GPR132: variants seen among roughly 807,000 people sequenced by gnomAD.
GPR132 encodes G protein-coupled receptor 132, also known as probable G protein-coupled receptor 132.
Under a neutral mutation model 1.9 loss-of-function variants are expected in GPR132, and 4 were observed. The ratio of observed to expected loss-of-function variants is 2.13; its 90% CI spans 1.05 to 4.87. The LOEUF (loss-of-function observed/expected upper bound fraction) is 4.87. GPR132 is among the 30% of genes most tolerant of loss of function. GPR132 has a pLI of 0.01. For missense variants in GPR132, 404 were observed against 512.5 expected (o/e 0.79, Z 2.04); for synonymous variants, 233 against 234.2 (o/e 0.99, Z 0.05).
chr14:105,049,637 G>A lies in GPR132; in HGVS notation c.*1357C>T. ...CAAGGGGAGGATGGCTGTTTTGGCT[G>A]GGTGTGGTGGTGCACACCTGTAGTC... On this transcript the variant is annotated 3_prime_UTR_variant, in exon 4 of 4. Coordinates refer to ENST00000329797, the MANE Select transcript of GPR132 (RefSeq NM_013345.4). 1 of 152,318 alleles carries A rather than the reference G, an allele frequency of 6.6e-6. No homozygotes were observed. Among genetic ancestry groups the A allele is most frequent in the Non-Finnish European group, 1.5e-5 (1 of 68,124 alleles). The allele number at this position is 152,318 out of a possible 1,614,324, so 9.4% of individuals were successfully genotyped here.
At position 105,056,651 on chromosome 14, in the gene GPR132, TC is replaced by T. The variant is rs1886804473; in HGVS notation, c.-746-486del. ...AGTCCCGCACCCCCTGCTCCAGGCC[TC>T]ACGCAGCCTTGGGACCTTCACCTCT... On this transcript the variant is annotated intron_variant, in intron 2 of 3. Coordinates refer to ENST00000329797, the MANE Select transcript of GPR132 (RefSeq NM_013345.4). This position sits in a 1 kb window ranked among gnomAD's most constrained non-coding sequence, Gnocchi z 6.0. Among the ~76,000 whole-genome samples the T allele has an allele frequency of 2.0e-5, 3 of 152,200 alleles. No individual in the cohort carries two copies. The South Asian group carries it at 6.2e-4, about 31-fold the overall frequency.
chr14:105,058,861 G>T (rs145856085), intron 1 of GPR132, among the ~76,000 whole-genome samples: 1 of 152,250 alleles, frequency 6.6e-6, no homozygotes, highest in South Asian at 2.1e-4. Context: ...GCCAAAGAGG[G>T]TTTGCAGGGA....
chr14:105,054,451 T>C, intron 3 of GPR132: 2 of 931,082 alleles, frequency 2.1e-6, no homozygotes, highest in Non-Finnish European at 2.5e-6. Context: ...TGAGACGTAG[T>C]CTCAAAAAAC....
rs1250564896 is a variant in GPR132, at chr14:105,051,726, G to C, written c.411C>G (p.Ser137=). Residue 137 remains serine (S), a synonymous_variant, in exon 4 of 4, where the codon TCC becomes TCG. Coordinates refer to ENST00000329797, the MANE Select transcript of GPR132 (RefSeq NM_013345.4). This position sits in a 1 kb window ranked among gnomAD's most constrained non-coding sequence, Gnocchi z 8.0. ...YVSILFLCCI[S]CDRFVAVVYA... ...ACACCACGGCCACGAAGCGGTCGCA[G>C]GAGATGCAGCACAGGAAGAGGATGC... The C allele has an allele frequency of 6.2e-7, 1 of 1,614,154 alleles. No homozygotes were observed. The highest frequency in any genetic ancestry group is 1.3e-5 in the African/African-American group (1 of 75,062).
intron 1 of GPR132, among the ~76,000 whole-genome samples, chr14:105,064,127 C>T (rs948391405): frequency 3.3e-5 from 5 of 152,096 alleles, no homozygotes; most frequent in Non-Finnish European, 7.4e-5. Flanking sequence ...GCGTAAGCCA[C>T]CGCACCTGGC....
chr14:105,051,360 G>A lies in GPR132; in HGVS notation c.777C>T (p.His259=), dbSNP rs546893488. 1.2e-6 allele frequency: 2 copies of A among 1,614,066 alleles called. No homozygotes were observed. Among genetic ancestry groups the A allele is most frequent in the South Asian group, 1.1e-5 (1 of 91,088 alleles). ...VIFLVCFAPY[H]LVLLVKAAAF... is the part of the protein sequence containing the mutation. ...CAGCGGCTTTGACGAGGAGAACCAG[G>A]TGGTACGGGGCGAAGCAGACTAGGA... is the stretch of plus-strand genomic sequence containing the variant. The change falls in exon 4 of 4, where the codon CAC becomes CAT. Residue 259 remains histidine (H), a synonymous_variant. Transcript: ENST00000329797. This position sits in a 1 kb window ranked among gnomAD's most constrained non-coding sequence, Gnocchi z 8.0.
At chr14:105,057,037 T>G in intron 2 of GPR132, 130 bp downstream of exon 2, 1 of 699,474 alleles carries the variant, frequency 1.4e-6, no homozygotes, top group Admixed American at 2.2e-5. Context: ...GATTTATTAT[T>G]GCTGAGCTAG....
At position 105,057,393 on chromosome 14, in the gene GPR132, C is replaced by T. The variant is rs1209058145; in HGVS notation, c.-860-113G>A. 5 of 515,030 alleles carry T rather than the reference C, an allele frequency of 9.7e-6. No individual in the cohort carries two copies. In the Admixed American group the frequency reaches 1.1e-4, roughly 11 times the overall value. The allele number at this position is 515,030 out of a possible 1,614,324, so 31.9% of individuals were successfully genotyped here. Reference sequence around the variant, plus strand: ...TAATTTACTAAGTGGCCCGTTGATTCGTAGGTGTTTTTTAAATGTTGAGAA... The same window carrying T: ...TAATTTACTAAGTGGCCCGTTGATTTGTAGGTGTTTTTTAAATGTTGAGAA... On this transcript the variant is annotated intron_variant, in intron 1 of 3. Transcript: ENST00000329797.
chr14:105,053,670 T>C (rs1385479223), intron 3 of GPR132, among the ~76,000 whole-genome samples: 1 of 151,854 alleles, frequency 6.6e-6, no homozygotes, highest in African/African-American at 2.4e-5. Context: ...TACTATGTCA[T>C]GTGATACCCC....
At chr14:105,061,991 TG>T (rs768390677) in intron 1 of GPR132, among the ~76,000 whole-genome samples, 1 of 152,224 alleles carries the variant, frequency 6.6e-6, no homozygotes, top group Non-Finnish European at 1.5e-5. Context: ...CCTGGCCTGG[TG>T]GACTCCAGGG....
In GPR132 at chr14:105,049,738, C is replaced by G. The variant is rs923650878; in HGVS notation, c.*1256G>C. 2 of 152,238 alleles carry G rather than the reference C, an allele frequency of 1.3e-5. No homozygotes were observed. Among genetic ancestry groups the G allele is most frequent in the African/African-American group, 4.8e-5 (2 of 41,424 alleles). 9.4% of individuals were successfully genotyped at this position (152,238 alleles called of 1,614,324 possible). A position where few individuals can be genotyped will look rare whatever the true frequency, so the allele number is the denominator to read the frequency against. ...GAGGCTGCAGTGAGCTATGATGGTG[C>G]CACTGTTCTCCAGCCCAGGCAACAG... is the stretch of plus-strand genomic sequence containing the variant. On this transcript the variant is annotated 3_prime_UTR_variant, in exon 4 of 4. Coordinates refer to ENST00000329797, the MANE Select transcript of GPR132 (RefSeq NM_013345.4).
chr14:105,051,490 G>A lies in GPR132; in HGVS notation c.647C>T (p.Ala216Val). 1 of 1,614,030 alleles carries A rather than the reference G, an allele frequency of 6.2e-7. No individual in the cohort carries two copies. The highest frequency in any genetic ancestry group is 8.5e-7 in the Non-Finnish European group (1 of 1,180,034). Residue 216 changes from alanine to valine, a missense_variant, in exon 4 of 4, where the codon GCC becomes GTC. By Grantham distance (64) the Ala-to-Val change is moderately conservative. Coordinates refer to ENST00000329797, the MANE Select transcript of GPR132 (RefSeq NM_013345.4). This position sits in a 1 kb window ranked among gnomAD's most constrained non-coding sequence, Gnocchi z 8.0. ...VGFAIPLSII[A>V]FTNHRIFRSI... ...CCTGAAAATCCGGTGGTTGGTGAAG[G>A]CGATGATGGAGAGAGGGATGGCAAA...
rs1055603201 is a variant in GPR132, at chr14:105,057,181, G to A, written c.-761C>T. ...GGCTCTCTCACCTGGCATATTTTGC[G>A]GGTTCCAATCTCAGTGTGGCTCTAA... On this transcript the variant is annotated 5_prime_UTR_variant, in exon 2 of 4. Coordinates refer to ENST00000329797, the MANE Select transcript of GPR132 (RefSeq NM_013345.4). 2.1e-5 allele frequency: 32 copies of A among 1,531,458 alleles called. No individual in the cohort carries two copies. Among genetic ancestry groups the A allele is most frequent in the African/African-American group, 4.1e-5 (3 of 72,926 alleles). The allele number at this position is 1,531,458 out of a possible 1,614,324, so 94.9% of individuals were successfully genotyped here.
At position 105,056,755 on chromosome 14, in the gene GPR132, A is replaced by G. The variant is rs992849447; in HGVS notation, c.-747+412T>C. ...GTCCCCCGCTCCCCCGCCTCCTGCC[A>G]CAAGTGACCTCCTGGGAAGAGAGCC... On this transcript the variant is annotated intron_variant, in intron 2 of 3. Transcript: ENST00000329797. This position sits in a 1 kb window ranked among gnomAD's most constrained non-coding sequence, Gnocchi z 6.0. Among the ~76,000 whole-genome samples, 1 of 152,190 alleles carries G rather than the reference A, an allele frequency of 6.6e-6. No homozygotes were observed. The highest frequency in any genetic ancestry group is 1.5e-5 in the Non-Finnish European group (1 of 68,024).
At chr14:105,053,854 G>T in intron 3 of GPR132, 1 of 886,900 alleles carries the variant, frequency 1.1e-6, no homozygotes. Flanking sequence ...CTATCTGGTG[G>T]GCCCAATGGA....
chr14:105,054,981 G>A (rs1002795573), intron 3 of GPR132, among the ~76,000 whole-genome samples: 2 of 142,516 alleles, frequency 1.4e-5, no homozygotes, highest in African/African-American at 5.3e-5. Context: ...CAGAGATTGC[G>A]CCACTGCACT....
At chr14:105,052,728 A>T (rs1886684028) in intron 3 of GPR132, among the ~76,000 whole-genome samples, 1 of 151,086 alleles carries the variant, frequency 6.6e-6, no homozygotes, top group Admixed American at 6.6e-5. Flanking sequence ...AGGCTGAGGC[A>T]GGCAGATCAC....
At chr14:105,052,329 C>CTTTT (rs897048859) in intron 3 of GPR132, among the ~76,000 whole-genome samples, 2 of 152,130 alleles carry the variant, frequency 1.3e-5, no homozygotes. Flanking sequence ...AATCATTTTT[C>CTTTT]TTTTTTCTTT....
chr14:105,051,985 G>A lies in GPR132; in HGVS notation c.152C>T (p.Ala51Val), dbSNP rs752610011. Reference protein sequence around the residue: ...SRIVLVVVYSAVCTLGVPANC... With the variant: ...SRIVLVVVYSVVCTLGVPANC... ...GGCCGGCACCCCCAGCGTGCACACC[G>A]CGCTGTACACCACGACCAGGACTAT... is the stretch of plus-strand genomic sequence containing the variant. Residue 51 changes from alanine to valine, a missense_variant, in exon 4 of 4, where the codon GCG (alanine) becomes GTG (valine). Transcript: ENST00000329797. This position sits in a 1 kb window ranked among gnomAD's most constrained non-coding sequence, Gnocchi z 8.0. 42 of 1,612,980 alleles carry A rather than the reference G, an allele frequency of 2.6e-5. No individual in the cohort carries two copies. The highest frequency in any genetic ancestry group is 6.7e-5 in the African/African-American group (5 of 74,942).
Sources: allele counts gnomAD v4.1 joint callset (sites outside exome capture counted in the v4.1 genomes callset), GRCh38; gene constraint gnomAD v4.1.1; non-coding constraint Gnocchi (gnomAD v3.1); transcripts MANE v1.5; gene names NCBI Gene and HGNC (gene_info 2026-07-23, HGNC 2026-07-21).